Variants in DCLK1 observed in about 807,000 individuals in gnomAD.
DCLK1 encodes serine/threonine-protein kinase DCLK1.
A neutral mutation model predicts 86.2 loss-of-function variants in DCLK1; 16 were observed. The observed-to-expected ratio is 0.19, with a 90% CI of 0.13 to 0.28. The LOEUF (loss-of-function observed/expected upper bound fraction) is 0.28, where lower values mean the gene tolerates loss of function less well. DCLK1 is among the 10% of genes least tolerant of loss of function. The pLI is 1.00. For synonymous variants in DCLK1, 369 were observed against 370.5 expected (o/e 1.00, Z 0.05); for missense variants, 590 against 940.2 (o/e 0.63, Z 4.87).
chr13:35,998,834 C>T (rs1019809657), intron 3 of DCLK1, among the ~76,000 whole-genome samples: 5 of 152,148 alleles, frequency 3.3e-5, no homozygotes, highest in South Asian at 2.1e-4. Context: ...TTACAGATTT[C>T]GCTACAACAG....
At chr13:35,890,089 A>G (rs1012527910) in intron 4 of DCLK1, among the ~76,000 whole-genome samples, 3 of 152,048 alleles carry the variant, frequency 2.0e-5, no homozygotes, top group African/African-American at 7.2e-5. Flanking sequence ...TTGTTTTTTA[A>G]ATGTAAAAAT....
At chr13:35,849,426 A>G in intron 6 of DCLK1, 1 of 985,386 alleles carries the variant, frequency 1.0e-6, no homozygotes, top group Non-Finnish European at 1.2e-6. Flanking sequence ...CTACTGAGAT[A>G]TGTCAAGCCT....
chr13:35,898,274 C>A (rs1415953151), intron 4 of DCLK1, among the ~76,000 whole-genome samples: 1 of 152,168 alleles, frequency 6.6e-6, no homozygotes, highest in Admixed American at 6.6e-5. Flanking sequence ...TCTTCAATTG[C>A]CAGCTAAACA....
At chr13:35,867,850 A>AGAAAGAAAGAAAGAAG (rs1377446123) in intron 5 of DCLK1, among the ~76,000 whole-genome samples, 4 of 132,694 alleles carry the variant, frequency 3.0e-5, no homozygotes, top group African/African-American at 1.1e-4. Flanking sequence ...TAAAGGGAGA[A>AGAAAGAAAGAAAGAAG]GAAAGAAAGA....
intron 3 of DCLK1, among the ~76,000 whole-genome samples, chr13:36,075,434 T>A (rs868665246): frequency 2.0e-5 from 3 of 152,204 alleles, no homozygotes; most frequent in Middle Eastern, 3.2e-3. Context: ...ATTACTTGTA[T>A]GCGACATCTG....
intron 3 of DCLK1, among the ~76,000 whole-genome samples, chr13:35,994,459 T>C (rs1384287746): frequency 6.6e-6 from 1 of 152,164 alleles, no homozygotes; most frequent in African/African-American, 2.4e-5. Context: ...TCTTAGCTAA[T>C]AAAACATCCT....
chr13:35,945,841 T>C (rs1396684516), intron 4 of DCLK1, among the ~76,000 whole-genome samples: 1 of 152,222 alleles, frequency 6.6e-6, no homozygotes, highest in African/African-American at 2.4e-5. Context: ...AGATGGAATG[T>C]ATTTGAGTCA....
chr13:36,091,268 T>C (rs767484444), intron 3 of DCLK1, among the ~76,000 whole-genome samples: 44 of 152,274 alleles, frequency 2.9e-4, no homozygotes, highest in Non-Finnish European at 1.2e-4. Context: ...AAAACCTAGA[T>C]GACAGGTTGA....
At chr13:35,911,877 G>A (rs2153124889) in intron 4 of DCLK1, among the ~76,000 whole-genome samples, 1 of 152,292 alleles carries the variant, frequency 6.6e-6, no homozygotes, top group Admixed American at 6.5e-5. Flanking sequence ...GTTGTTTAGA[G>A]AGCAGGGTGT....
At chr13:35,890,759 T>C (rs544561868) in intron 4 of DCLK1, among the ~76,000 whole-genome samples, 5 of 152,282 alleles carry the variant, frequency 3.3e-5, no homozygotes, top group South Asian at 4.1e-4. Context: ...GATTTCCCTG[T>C]TGTATTAGTT....
At chr13:36,102,026 AGCCACC>A in intron 3 of DCLK1, among the ~76,000 whole-genome samples, 1 of 152,278 alleles carries the variant, frequency 6.6e-6, no homozygotes, top group Admixed American at 6.5e-5. Context: ...TACAGGCATG[AGCCACC>A]GCACCTGGCC....
intron 3 of DCLK1, among the ~76,000 whole-genome samples, chr13:36,070,014 G>T (rs1200629042): frequency 6.6e-6 from 1 of 152,174 alleles, no homozygotes; most frequent in Non-Finnish European, 1.5e-5. Flanking sequence ...CCGGTGAAGA[G>T]TGAGGTTAGA....
At chr13:35,839,236 G>A in intron 6 of DCLK1, 60 bp from the exon 7 acceptor site, 4 of 1,425,784 alleles carry the variant, frequency 2.8e-6, no homozygotes, top group Non-Finnish European at 3.9e-6. Context: ...AGTTTCCAGG[G>A]ACCATGCCCA....
At chr13:35,847,748 G>A (rs1361076833) in intron 6 of DCLK1, 2 of 985,050 alleles carry the variant, frequency 2.0e-6, no homozygotes, top group Non-Finnish European at 2.4e-6. Context: ...GTACATCAGC[G>A]CTGGTTCAAA....
chr13:35,840,870 G>A (rs553230409), intron 6 of DCLK1, among the ~76,000 whole-genome samples: 10 of 152,170 alleles, frequency 6.6e-5, no homozygotes, highest in Non-Finnish European at 1.3e-4. Flanking sequence ...TTATAATATT[G>A]CAGTATGAGG....
At chr13:35,988,283 G>A (rs549793656) in intron 3 of DCLK1, among the ~76,000 whole-genome samples, 5 of 152,224 alleles carry the variant, frequency 3.3e-5, no homozygotes, top group South Asian at 2.1e-4. Context: ...GGGACCCCAC[G>A]CCCAGGCTGT....
intron 1 of DCLK1, among the ~76,000 whole-genome samples, chr13:36,128,603 C>T (rs1165703665): frequency 1.3e-5 from 2 of 152,056 alleles, no homozygotes; most frequent in Non-Finnish European, 2.9e-5. Context: ...TATTGCTGAC[C>T]CCACTGAAGG....
chr13:36,083,976 A>T (rs1308726394), intron 3 of DCLK1, among the ~76,000 whole-genome samples: 1 of 152,232 alleles, frequency 6.6e-6, no homozygotes, highest in Non-Finnish European at 1.5e-5. Context: ...ATGTGCTAGA[A>T]AAATAATAGA....
intron 3 of DCLK1, among the ~76,000 whole-genome samples, chr13:36,042,862 C>A (rs1408257806): frequency 1.3e-5 from 2 of 152,148 alleles, no homozygotes; most frequent in Non-Finnish European, 1.5e-5. Flanking sequence ...ACTTTTCTTT[C>A]TAAATGAATT....
Sources: gnomAD v4.1 joint callset for allele counts (sites outside exome capture counted in the v4.1 genomes callset) on GRCh38, gnomAD v4.1.1 for gene constraint, MANE v1.5 for transcripts, NCBI Gene and HGNC (gene_info 2026-07-23, HGNC 2026-07-21) for gene names.